Variants in TM9SF2 observed in about 807,000 individuals in gnomAD.
TM9SF2 encodes the protein transmembrane 9 superfamily member 2, also known as 76 kDa membrane protein.
Under a neutral mutation model 84.9 loss-of-function variants are expected in TM9SF2, and 13 were observed. The observed-to-expected ratio is 0.15, with a 90% CI of 0.10 to 0.24. The LOEUF (loss-of-function observed/expected upper bound fraction) is 0.24, where lower values mean the gene tolerates loss of function less well. Among genes scored for constraint, TM9SF2 ranks in the 10% least tolerant of loss-of-function variants. The pLI, the probability that TM9SF2 is intolerant of heterozygous loss-of-function variation, is 1.00. For missense variants in TM9SF2, 562 were observed against 818.5 expected, an observed-to-expected ratio of 0.69 and a Z score of 3.82; for synonymous variants, 273 against 285.8, an observed-to-expected ratio of 0.96 and a Z score of 0.45.
chr13:99,551,470 A>G (rs562158091), intron 12 of TM9SF2, among the ~76,000 whole-genome samples: 1 of 152,380 alleles, frequency 6.6e-6, no homozygotes, highest in South Asian at 2.1e-4. Context: ...AGGCGTAACT[A>G]CTGTGTGAAA....
At chr13:99,550,378 CTT>C (rs2046300655) in intron 12 of TM9SF2, among the ~76,000 whole-genome samples, 1 of 152,150 alleles carries the variant, frequency 6.6e-6, no homozygotes, top group Non-Finnish European at 1.5e-5. Flanking sequence ...TTTACTGAAA[CTT>C]TTAAGTTTGC....
chr13:99,562,148 A>G (rs942129633), intron 16 of TM9SF2, among the ~76,000 whole-genome samples: 1 of 152,192 alleles, frequency 6.6e-6, no homozygotes, highest in Non-Finnish European at 1.5e-5. Flanking sequence ...GTTCTCTGCT[A>G]CCATGCTGTC....
At chr13:99,508,038 A>G (rs1280404468) in intron 1 of TM9SF2, among the ~76,000 whole-genome samples, 4 of 152,240 alleles carry the variant, frequency 2.6e-5, no homozygotes, top group Non-Finnish European at 5.9e-5. Context: ...AGGACTAGAA[A>G]TAAAATTGTA....
chr13:99,535,786 T>A (rs909952502), intron 4 of TM9SF2, among the ~76,000 whole-genome samples: 2 of 152,202 alleles, frequency 1.3e-5, no homozygotes, highest in East Asian at 1.9e-4. Flanking sequence ...GTAGTTTTTT[T>A]ATTTGTATCC....
intron 1 of TM9SF2, among the ~76,000 whole-genome samples, chr13:99,514,831 ACT>A (rs1381437086): frequency 6.6e-6 from 1 of 152,054 alleles, no homozygotes; most frequent in Non-Finnish European, 1.5e-5. Context: ...ATTGCTTAAA[ACT>A]CTGCTGGACA....
At chr13:99,543,093 G>A (rs987788347) in intron 9 of TM9SF2, among the ~76,000 whole-genome samples, 54 of 152,104 alleles carry the variant, frequency 3.6e-4, no homozygotes, top group Non-Finnish European at 3.1e-4. Flanking sequence ...GAGCCTTCAC[G>A]AAGCTCACTG....
intron 1 of TM9SF2, among the ~76,000 whole-genome samples, chr13:99,505,238 C>T (rs1045280473): frequency 1.3e-5 from 2 of 151,728 alleles, no homozygotes; most frequent in Non-Finnish European, 2.9e-5. Context: ...CTGTAACCTC[C>T]ACCTCCTGAG....
intron 13 of TM9SF2, among the ~76,000 whole-genome samples, chr13:99,553,853 C>T (rs191131876): frequency 6.6e-6 from 1 of 152,244 alleles, no homozygotes; most frequent in Non-Finnish European, 1.5e-5. Flanking sequence ...TTTTCATGTT[C>T]TTAAGTCTTA....
intron 1 of TM9SF2, among the ~76,000 whole-genome samples, chr13:99,509,497 T>C (rs1169881138): frequency 6.6e-6 from 1 of 152,214 alleles, no homozygotes; most frequent in Admixed American, 6.5e-5. Flanking sequence ...TTGAACTCTG[T>C]GTGCCTGCAG....
chr13:99,545,834 G>A (rs555899396), intron 10 of TM9SF2, among the ~76,000 whole-genome samples: 4 of 152,158 alleles, frequency 2.6e-5, no homozygotes, highest in Non-Finnish European at 5.9e-5. Context: ...CAAAGTGCTG[G>A]GGTTACAGGC....
At position 99,517,654 on chromosome 13, in the gene TM9SF2, A is replaced by G; in HGVS notation, c.212A>G (p.Glu71Gly). 1 of 1,590,322 alleles carries G rather than the reference A, an allele frequency of 6.3e-7. No individual in the cohort carries two copies. The highest frequency in any genetic ancestry group is 1.7e-4 in the Middle Eastern group (1 of 6,008). ...TTTGTGAACAGACTTGATTCAGTGGAATCAGTTCTTCCTTATGAATACACA... is the reference window on the plus strand; with the variant it reads ...TTTGTGAACAGACTTGATTCAGTGGGATCAGTTCTTCCTTATGAATACACA... ...ELFVNRLDSVESVLPYEYTAF... is the reference protein window; with the variant it reads ...ELFVNRLDSVGSVLPYEYTAF... Residue 71 changes from glutamate to glycine, a missense_variant, in exon 2 of 17, where the codon GAA becomes GGA. This residue lies in a region of TM9SF2 where 267 missense variants were observed against 316.7 expected (regional missense o/e 0.84). Coordinates refer to ENST00000376387, the MANE Select transcript of TM9SF2 (RefSeq NM_004800.3).
chr13:99,504,466 T>A (rs1311806005), intron 1 of TM9SF2, among the ~76,000 whole-genome samples: 1 of 152,168 alleles, frequency 6.6e-6, no homozygotes, highest in Non-Finnish European at 1.5e-5. Context: ...TATTTGTCAT[T>A]GTTGTGATAG....
intron 3 of TM9SF2, 76 bp downstream of exon 3, chr13:99,520,205 C>T (rs1464939457): frequency 3.1e-6 from 4 of 1,282,832 alleles, no homozygotes; most frequent in Non-Finnish European, 4.4e-6. Context: ...CCTGAGATAA[C>T]TCAGCTATCA....
intron 6 of TM9SF2, 80 bp from the exon 7 acceptor site, chr13:99,539,366 C>A: frequency 1.2e-6 from 1 of 818,460 alleles, no homozygotes; most frequent in South Asian, 1.5e-5. Flanking sequence ...TTTTAAAATA[C>A]GTACAAAATC....
At chr13:99,561,775 T>C (rs1357828938) in intron 16 of TM9SF2, among the ~76,000 whole-genome samples, 1 of 152,250 alleles carries the variant, frequency 6.6e-6, no homozygotes, top group East Asian at 1.9e-4. Flanking sequence ...AAGGATTATT[T>C]ATAGTCCCTT....
chr13:99,529,427 T>C (rs976371787), intron 3 of TM9SF2, 40 bp from the exon 4 acceptor site: 1 of 1,467,810 alleles, frequency 6.8e-7, no homozygotes, highest in African/African-American at 1.5e-5. Context: ...AAAACCTGGA[T>C]ATTTTTTCTG....
chr13:99,529,025 C>T (rs1003108397), intron 3 of TM9SF2, among the ~76,000 whole-genome samples: 7 of 151,788 alleles, frequency 4.6e-5, no homozygotes, highest in Non-Finnish European at 8.8e-5. Flanking sequence ...GAATCTCTAT[C>T]ACCTGACACT....
At chr13:99,521,993 G>A (rs115445903) in intron 3 of TM9SF2, among the ~76,000 whole-genome samples, 1,854 of 152,098 alleles carry the variant, frequency 0.012, 43 homozygotes, top group African/African-American at 0.042. Flanking sequence ...AGACATAGAC[G>A]TGAGCCGCCG....
chr13:99,556,283 A>G (rs12584161), intron 15 of TM9SF2, among the ~76,000 whole-genome samples: 15,974 of 152,258 alleles, frequency 0.1, 979 homozygotes, highest in East Asian at 0.21. Flanking sequence ...TGAAGTGGAC[A>G]GTTTAATGGC....
Sources: gnomAD v4.1 joint callset for allele counts (sites outside exome capture counted in the v4.1 genomes callset) on GRCh38, gnomAD v4.1.1 for gene constraint, gnomAD v4.1.1 regional missense constraint, MANE v1.5 for transcripts, NCBI Gene and HGNC (gene_info 2026-07-23, HGNC 2026-07-21) for gene names.